Variants in TBC1D15 observed in about 807,000 individuals in gnomAD.
TBC1D15 encodes the protein TBC1 domain family member 15.
A neutral mutation model predicts 95.4 loss-of-function variants in TBC1D15; 39 were observed. The ratio of observed to expected loss-of-function variants is 0.41; its 90% CI spans 0.32 to 0.53. The LOEUF is 0.53. Among genes scored for constraint, TBC1D15 ranks in the 20% least tolerant of loss-of-function variants. TBC1D15 has a pLI of 0.29. For missense variants in TBC1D15, 733 were observed against 794.3 expected, an observed-to-expected ratio of 0.92 and a Z score of 0.93; for synonymous variants, 258 against 261.3, an observed-to-expected ratio of 0.99 and a Z score of 0.12.
chr12:71,851,950 C>A (rs1887932635), intron 1 of TBC1D15, among the ~76,000 whole-genome samples: 1 of 152,220 alleles, frequency 6.6e-6, no homozygotes, highest in Non-Finnish European at 1.5e-5. Context: ...CTAGGCAGTG[C>A]TCTTGTGGAG....
intron 12 of TBC1D15, among the ~76,000 whole-genome samples, chr12:71,914,856 C>A (rs932718027): frequency 2.0e-5 from 3 of 151,940 alleles, no homozygotes; most frequent in Admixed American, 1.3e-4. Flanking sequence ...TACTTCTATT[C>A]TTTCCCTTTT....
intron 1 of TBC1D15, among the ~76,000 whole-genome samples, chr12:71,870,274 A>G (rs1281482867): frequency 6.6e-6 from 1 of 152,070 alleles, no homozygotes; most frequent in African/African-American, 2.4e-5. Context: ...TTCCTCTAAC[A>G]TTATAAATAA....
intron 1 of TBC1D15, among the ~76,000 whole-genome samples, chr12:71,867,889 A>G (rs1411918933): frequency 1.3e-5 from 2 of 152,354 alleles, no homozygotes; most frequent in Non-Finnish European, 1.5e-5. Context: ...TGCTCAACCT[A>G]TATTTAAGTT....
In TBC1D15 at chr12:71,923,142, A is replaced by G. The variant is rs367755314; in HGVS notation, c.1963A>G (p.Arg655Gly). 1.2e-5 allele frequency: 19 copies of G among 1,614,236 alleles called. No individual in the cohort carries two copies. The highest frequency in any genetic ancestry group is 1.6e-4 in the Middle Eastern group (1 of 6,062). ...GCCTACACTCTCTGCCAGTGGAGCCAGAAATGACAGCCCAACACAGATACC... is the reference window on the plus strand; with the variant it reads ...GCCTACACTCTCTGCCAGTGGAGCCGGAAATGACAGCCCAACACAGATACC... ...ALPTLSASGARNDSPTQIPVS... is the reference protein window; with the variant it reads ...ALPTLSASGAGNDSPTQIPVS... The change falls in exon 17 of 17, where the codon AGA becomes GGA. Residue 655 changes from arginine (R) to glycine (G), a missense_variant. Transcript: ENST00000485960.
rs1889218235 is a variant in TBC1D15 at position 71,856,932 on chromosome 12, G to GT, written c.31-15132dup. Among the ~76,000 whole-genome samples the GT allele has an allele frequency of 2.0e-5, 3 of 152,100 alleles. 1 individual carries two copies. Among genetic ancestry groups the GT allele is most frequent in the African/African-American group, 7.2e-5 (3 of 41,412 alleles). On this transcript the variant is annotated intron_variant, in intron 1 of 16. Transcript: ENST00000485960. ...GAGCAAATCACTTGATTTTCTTGCA[G>GT]TTTTTTCAGTTACAAGATGGGAATG...
At chr12:71,851,862 C>G (rs1275132190) in intron 1 of TBC1D15, among the ~76,000 whole-genome samples, 1 of 152,144 alleles carries the variant, frequency 6.6e-6, no homozygotes, top group East Asian at 1.9e-4. Flanking sequence ...TGTGGCTTTT[C>G]CAGGCTGAGA....
chr12:71,923,069 T>C lies in TBC1D15; in HGVS notation c.1890T>C (p.Asn630=), dbSNP rs1409080290. The C allele has an allele frequency of 3.1e-6, 5 of 1,614,192 alleles. No individual in the cohort carries two copies. The highest frequency in any genetic ancestry group is 4.2e-6 in the Non-Finnish European group (5 of 1,180,036). ...ATTCAGACGTTGGTGAAGACGAAAA[T>C]GTTGTCATGACTCCTTGTCCTACAT... ...TPDSDVGEDE[N]VVMTPCPTSA... The change falls in exon 17 of 17, where the codon AAT becomes AAC. Residue 630 remains asparagine, a synonymous_variant. Coordinates refer to ENST00000485960, the MANE Select transcript of TBC1D15 (RefSeq NM_001146213.3).
Position 71,883,065 on chromosome 12 carries a change from CTG to C in TBC1D15, c.344-1743_344-1742del, listed in dbSNP as rs576293854. Among the ~76,000 whole-genome samples, 743 of 151,872 alleles carry C rather than the reference CTG, an allele frequency of 4.9e-3. 3 individuals carry two copies. Among genetic ancestry groups the C allele is most frequent in the Non-Finnish European group, 7.7e-3 (525 of 67,912 alleles). On this transcript the variant is annotated intron_variant, in intron 4 of 16. Transcript: ENST00000485960. ...CTTGCATTAATTTAGATAAAATACTCTGTGCAACGAAGAATTTAATTTAAAAA... is the reference window on the plus strand; with the variant it reads ...CTTGCATTAATTTAGATAAAATACTCTGCAACGAAGAATTTAATTTAAAAA...
At chr12:71,840,062 T>A (rs1884527628) in intron 1 of TBC1D15, among the ~76,000 whole-genome samples, 1 of 152,166 alleles carries the variant, frequency 6.6e-6, no homozygotes, top group Non-Finnish European at 1.5e-5. Flanking sequence ...CAGAGAGGCT[T>A]TTATTCGTAT....
In TBC1D15 at chr12:71,907,092, A is replaced by T; in HGVS notation, c.1254A>T (p.Leu418Phe). 1 of 1,611,664 alleles carries T rather than the reference A, an allele frequency of 6.2e-7. No homozygotes were observed. Among genetic ancestry groups the T allele is most frequent in the South Asian group, 1.1e-5 (1 of 90,722 alleles). The stretch of plus-strand genomic sequence containing the variant: ...GCCAAGATAATCCAGGGTTGATTTT[A>T]CTTCATGACATTTTGATGACCTACT... Reference protein sequence around the residue: ...YEGQDNPGLILLHDILMTYCM... With the variant: ...YEGQDNPGLIFLHDILMTYCM... Residue 418 changes from leucine to phenylalanine, a missense_variant, in exon 11 of 17, where the codon TTA (leucine) becomes TTT (phenylalanine). Transcript: ENST00000485960.
At chr12:71,873,908 T>C (rs1246799182) in intron 3 of TBC1D15, among the ~76,000 whole-genome samples, 1 of 152,190 alleles carries the variant, frequency 6.6e-6, no homozygotes, top group Non-Finnish European at 1.5e-5. Flanking sequence ...TTCTGAGGGC[T>C]GTTAGGGAGA....
At position 71,923,228 on chromosome 12, in the gene TBC1D15, A is replaced by G. The variant is rs1351981899; in HGVS notation, c.*24A>G. The G allele has an allele frequency of 6.2e-7, 1 of 1,606,726 alleles. No homozygotes were observed. On this transcript the variant is annotated 3_prime_UTR_variant, in exon 17 of 17. Transcript: ENST00000485960. The stretch of plus-strand genomic sequence containing the variant: ...GATCACTGTTCTTGCTTTTTTGGGA[A>G]GAGACACTTTGTTGCAACCCTTTTT...
intron 10 of TBC1D15, among the ~76,000 whole-genome samples, chr12:71,902,057 A>G (rs574474438): frequency 2.0e-5 from 3 of 152,332 alleles, no homozygotes; most frequent in African/African-American, 4.8e-5. Context: ...CTCTGCAATG[A>G]GAATTACAAA....
chr12:71,897,485 A>C (rs989882123), intron 9 of TBC1D15, among the ~76,000 whole-genome samples: 19 of 152,054 alleles, frequency 1.2e-4, no homozygotes, highest in Non-Finnish European at 1.9e-4. Flanking sequence ...TTAAAAAAAA[A>C]GTCACTTAGA....
intron 5 of TBC1D15, among the ~76,000 whole-genome samples, chr12:71,890,765 C>T (rs1398872569): frequency 6.6e-6 from 1 of 152,100 alleles, no homozygotes; most frequent in Admixed American, 6.6e-5. Context: ...TCTTATTTAC[C>T]AGGAAAACAA....
chr12:71,894,452 C>A, intron 6 of TBC1D15: 2 of 1,428,806 alleles, frequency 1.4e-6, no homozygotes, highest in South Asian at 1.2e-5. Context: ...GCAATTCAAT[C>A]AGTAGCATTA....
intron 3 of TBC1D15, among the ~76,000 whole-genome samples, chr12:71,877,498 TCC>T (rs768129023): frequency 0.27 from 16,116 of 59,762 alleles, 1,711 homozygotes; most frequent in African/African-American, 0.48. Flanking sequence ...TTCCTGTTTT[TCC>T]TTCCTTCCTT....
chr12:71,849,588 T>C, intron 1 of TBC1D15: 1 of 643,804 alleles, frequency 1.6e-6, no homozygotes, highest in East Asian at 3.1e-5. Flanking sequence ...AATAATACTT[T>C]GTGAATCATC....
At chr12:71,876,296 A>G (rs1193346159) in intron 3 of TBC1D15, among the ~76,000 whole-genome samples, 1 of 151,764 alleles carries the variant, frequency 6.6e-6, no homozygotes, top group Non-Finnish European at 1.5e-5. Flanking sequence ...TTCTTCTAAC[A>G]CTGCTATTTT....
Sources: gnomAD v4.1 joint callset for allele counts (sites outside exome capture counted in the v4.1 genomes callset) on GRCh38, gnomAD v4.1.1 for gene constraint, MANE v1.5 for transcripts, NCBI Gene and HGNC (gene_info 2026-07-23, HGNC 2026-07-21) for gene names.